Variants in GRK2 observed in about 807,000 individuals in gnomAD.
GRK2 encodes adrenergic beta receptor kinase 1.
In GRK2, 23 loss-of-function variants were observed where a neutral mutation model predicts 97.8. The ratio of observed to expected loss-of-function variants is 0.24; its 90% CI spans 0.17 to 0.33. The LOEUF is 0.33. GRK2 is among the 10% of genes least tolerant of loss of function. The pLI, the probability that GRK2 is intolerant of heterozygous loss-of-function variation, is 1.00. For missense variants in GRK2, 633 were observed against 956.9 expected (o/e 0.66, Z 4.47); for synonymous variants, 425 against 381.7 (o/e 1.11, Z -1.32).
chr11:67,271,270 A>T (rs1272348950), intron 1 of GRK2, among the ~76,000 whole-genome samples: 2 of 152,206 alleles, frequency 1.3e-5, no homozygotes, highest in African/African-American at 4.8e-5. Context: ...TGCAACTGAG[A>T]TACTAAAAAT....
At position 67,285,677 on chromosome 11, in the gene GRK2, G is replaced by A; in HGVS notation, c.*227G>A. The A allele has an allele frequency of 1.8e-6, 1 of 549,560 alleles. No homozygotes were observed. The highest frequency in any genetic ancestry group is 3.1e-6 in the Non-Finnish European group (1 of 317,474). The allele number at this position is 549,560 out of a possible 1,614,324, so 34.0% of individuals were successfully genotyped here. A position where few individuals can be genotyped will look rare whatever the true frequency, so the allele number is the denominator to read the frequency against. On this transcript the variant is annotated 3_prime_UTR_variant, in exon 21 of 21. Coordinates refer to ENST00000308595, the MANE Select transcript of GRK2 (RefSeq NM_001619.5). ...ACTTCAGGGGCTGCCCGCTCCCAGT[G>A]TCTTCCTGTGGGGGAAGAGCACAGC...
At chr11:67,267,147 G>A (rs1859818737) in intron 1 of GRK2, among the ~76,000 whole-genome samples, 2 of 152,078 alleles carry the variant, frequency 1.3e-5, no homozygotes, top group Non-Finnish European at 2.9e-5. Flanking sequence ...CCTGGCTCCC[G>A]CCTTCTCCCA....
chr11:67,269,467 G>A lies in GRK2; in HGVS notation c.113+2655G>A, dbSNP rs926614225. The stretch of plus-strand genomic sequence containing the variant: ...TGCTTTATCCCCTCCACCCACCCCT[G>A]CACACCACTGTTCTCGCCTCTGTCC... On this transcript the variant is annotated intron_variant, in intron 1 of 20. Coordinates refer to ENST00000308595, the MANE Select transcript of GRK2 (RefSeq NM_001619.5). The surrounding 1 kb of genome is among the most constrained non-coding windows in gnomAD (Gnocchi z 4.1). Among the ~76,000 whole-genome samples the A allele has an allele frequency of 2.6e-5, 4 of 152,120 alleles. No homozygotes were observed. Among genetic ancestry groups the A allele is most frequent in the African/African-American group, 9.7e-5 (4 of 41,414 alleles).
chr11:67,282,000 C>T lies in GRK2; in HGVS notation c.957+48C>T. ...GGCTGGACCTCCGTGGCTGTCCTCT[C>T]CTTCCTCTCGACATCCCGGCCACCA... On this transcript the variant is annotated intron_variant, in intron 11 of 20. Transcript: ENST00000308595. The surrounding 1 kb of genome is among the most constrained non-coding windows in gnomAD (Gnocchi z 5.7). 1 of 1,609,160 alleles carries T rather than the reference C, an allele frequency of 6.2e-7. No individual in the cohort carries two copies. The highest frequency in any genetic ancestry group is 8.5e-7 in the Non-Finnish European group (1 of 1,177,238).
At chr11:67,280,072 T>G in intron 6 of GRK2, 172 bp downstream of exon 6, 1 of 659,622 alleles carries the variant, frequency 1.5e-6, no homozygotes, top group South Asian at 1.7e-5. Flanking sequence ...AGGCTGCAGG[T>G]CATCTCCCAC....
chr11:67,271,533 C>G (rs972117496), intron 1 of GRK2, among the ~76,000 whole-genome samples: 2 of 152,238 alleles, frequency 1.3e-5, no homozygotes, highest in African/African-American at 4.8e-5. Context: ...TAGCGTAATG[C>G]AGATTACGGT....
At position 67,281,232 on chromosome 11, in the gene GRK2, C is replaced by T; in HGVS notation, c.647+48C>T. 1 of 1,533,766 alleles carries T rather than the reference C, an allele frequency of 6.5e-7. No homozygotes were observed. Among genetic ancestry groups the T allele is most frequent in the Non-Finnish European group, 9.0e-7 (1 of 1,115,690 alleles). On this transcript the variant is annotated intron_variant, in intron 8 of 20. Coordinates refer to ENST00000308595, the MANE Select transcript of GRK2 (RefSeq NM_001619.5). The surrounding 1 kb of genome is among the most constrained non-coding windows in gnomAD (Gnocchi z 5.7). ...TGGGATACCTCGGGGAGCCGGGCTC[C>T]TGGGGGACCCTGACAGGCCGGGTTC...
chr11:67,281,662 A>G lies in GRK2; in HGVS notation c.760A>G (p.Ile254Val), dbSNP rs1476809971. The change falls in exon 10 of 21, where the codon ATT becomes GTT. Residue 254 changes from isoleucine (I) to valine (V), a missense_variant. Ile to Val is a conservative substitution (Grantham distance 29). Around this residue, in one of 4 missense-constraint regions of GRK2, gnomAD observed 192 missense variants for 362.3 expected, o/e 0.53. Transcript: ENST00000308595. This position sits in a 1 kb window ranked among gnomAD's most constrained non-coding sequence, Gnocchi z 5.7. Reference protein sequence around the residue: ...SLVSTGDCPFIVCMSYAFHTP... With the variant: ...SLVSTGDCPFVVCMSYAFHTP... The stretch of plus-strand genomic sequence containing the variant: ...TCTCCCCTCCTAGGACTGCCCATTC[A>G]TTGTCTGCATGTCATACGCGTTCCA... 6 of 1,587,896 alleles carry G rather than the reference A, an allele frequency of 3.8e-6. No homozygotes were observed. Among genetic ancestry groups the G allele is most frequent in the Non-Finnish European group, 5.1e-6 (6 of 1,173,564 alleles).
chr11:67,280,493 A>C (rs1054559684), intron 6 of GRK2: 2 of 588,448 alleles, frequency 3.4e-6, no homozygotes, highest in Admixed American at 6.0e-5. Flanking sequence ...ATCTGATTCC[A>C]GCAGGAAGCC....
At chr11:67,270,783 C>T (rs1283931689) in intron 1 of GRK2, among the ~76,000 whole-genome samples, 1 of 152,234 alleles carries the variant, frequency 6.6e-6, no homozygotes, top group Non-Finnish European at 1.5e-5. Context: ...GCATGCGTTT[C>T]ACTTATTTGC....
At chr11:67,277,819 G>T (rs771146464) in intron 2 of GRK2, among the ~76,000 whole-genome samples, 1 of 152,230 alleles carries the variant, frequency 6.6e-6, no homozygotes, top group Non-Finnish European at 1.5e-5. Flanking sequence ...CCTGCTGTCA[G>T]AAGTTTCATG....
intron 1 of GRK2, among the ~76,000 whole-genome samples, chr11:67,274,931 T>TG (rs959523165): frequency 3.3e-5 from 5 of 152,120 alleles, no homozygotes; most frequent in South Asian, 2.1e-4. Context: ...CACTCCCCGG[T>TG]GGGGGGCATG....
intron 2 of GRK2, among the ~76,000 whole-genome samples, chr11:67,277,706 C>T (rs1447478602): frequency 1.3e-5 from 2 of 152,246 alleles, no homozygotes; most frequent in South Asian, 2.1e-4. Flanking sequence ...CTTCCTGTGG[C>T]GCCTGCCGAG....
intron 1 of GRK2, among the ~76,000 whole-genome samples, chr11:67,272,903 A>G (rs1019579941): frequency 2.0e-5 from 3 of 152,234 alleles, no homozygotes; most frequent in Non-Finnish European, 2.9e-5. Context: ...GGACACGGCA[A>G]ATGTGGAGCA....
In GRK2 at chr11:67,285,327, C is replaced by T. The variant is rs773202529; in HGVS notation, c.1947C>T (p.Asp649=). The T allele has an allele frequency of 6.2e-6, 10 of 1,609,860 alleles. No homozygotes were observed. The highest frequency in any genetic ancestry group is 4.0e-5 in the African/African-American group (3 of 74,908). ...TGCAGTGGAAGAAGGAGCTGCGCGA[C>T]GCCTACCGCGAGGCCCAGCAGCTGG... ...ELVQWKKELR[D]AYREAQQLVQ... The change falls in exon 21 of 21, where the codon GAC becomes GAT. Residue 649 remains aspartate, a synonymous_variant. Transcript: ENST00000308595.
In GRK2 at chr11:67,286,298, G is replaced by A. The variant is rs1860280940; in HGVS notation, c.*848G>A. On this transcript the variant is annotated 3_prime_UTR_variant, in exon 21 of 21. Coordinates refer to ENST00000308595, the MANE Select transcript of GRK2 (RefSeq NM_001619.5). ...GGCCTATCAGTGTGCCCCCCATCCT[G>A]GCCCATCAGTGTACCCCCGCCCAGG... is the stretch of plus-strand genomic sequence containing the variant. 9.2e-6 allele frequency: 6 copies of A among 651,196 alleles called. No homozygotes were observed. In the Admixed American group the frequency reaches 1.6e-4, roughly 17 times the overall value. 40.3% of individuals were successfully genotyped at this position (651,196 alleles called of 1,614,324 possible).
intron 1 of GRK2, among the ~76,000 whole-genome samples, chr11:67,275,218 G>A (rs1440751915): frequency 1.3e-5 from 2 of 152,188 alleles, no homozygotes; most frequent in Non-Finnish European, 2.9e-5. Context: ...GCCGAGGCCC[G>A]GGAGTCCACT....
Position 67,286,470 on chromosome 11 carries a change from C to T in GRK2, c.*1020C>T, listed in dbSNP as rs1447538564. 8.6e-6 allele frequency: 6 copies of T among 700,530 alleles called. No homozygotes were observed. Among genetic ancestry groups the T allele is most frequent in the Admixed American group, 2.0e-5 (1 of 49,790 alleles). The allele number at this position is 700,530 out of a possible 1,614,324, so 43.4% of individuals were successfully genotyped here. On this transcript the variant is annotated 3_prime_UTR_variant, in exon 21 of 21. Coordinates refer to ENST00000308595, the MANE Select transcript of GRK2 (RefSeq NM_001619.5). Reference sequence around the variant, plus strand: ...CACCCTCCCCTCCCGTCTACTCATTCCCCGGGGCGTTTCTTTGCCGATTTT... The same window carrying T: ...CACCCTCCCCTCCCGTCTACTCATTTCCCGGGGCGTTTCTTTGCCGATTTT...
chr11:67,282,208 C>T lies in GRK2; in HGVS notation c.958-63C>T. On this transcript the variant is annotated intron_variant, in intron 11 of 20. Coordinates refer to ENST00000308595, the MANE Select transcript of GRK2 (RefSeq NM_001619.5). The surrounding 1 kb of genome is among the most constrained non-coding windows in gnomAD (Gnocchi z 6.9). Reference sequence around the variant, plus strand: ...TCCAGTGAAGCAGTGACCCAGCTGGCATCTTGCCTGGCTGGGCCCCATCCT... The same window carrying T: ...TCCAGTGAAGCAGTGACCCAGCTGGTATCTTGCCTGGCTGGGCCCCATCCT... 1 of 1,497,318 alleles carries T rather than the reference C, an allele frequency of 6.7e-7. No homozygotes were observed. Among genetic ancestry groups the T allele is most frequent in the Non-Finnish European group, 9.2e-7 (1 of 1,082,706 alleles). The allele number at this position is 1,497,318 out of a possible 1,614,324, so 92.8% of individuals were successfully genotyped here.
Sources: gnomAD v4.1 joint callset for allele counts (sites outside exome capture counted in the v4.1 genomes callset) on GRCh38, gnomAD v4.1.1 for gene constraint, gnomAD v4.1.1 regional missense constraint, Gnocchi (gnomAD v3.1) non-coding constraint, MANE v1.5 for transcripts, NCBI Gene and HGNC (gene_info 2026-07-23, HGNC 2026-07-21) for gene names.